The following BPNT1 variants were observed in gnomAD, a reference collection of about 807,000 sequenced individuals.
The protein encoded by BPNT1 is 3'(2'),5'-bisphosphate nucleotidase 1.
A neutral mutation model predicts 36.9 loss-of-function variants in BPNT1; 28 were observed. That is an observed-to-expected ratio of 0.76 (90% CI 0.56 to 1.04). BPNT1 has a LOEUF of 1.04. Among genes scored for constraint, BPNT1 ranks in the 50% least tolerant of loss-of-function variants. The pLI is 0.00. For missense variants in BPNT1, 313 were observed against 372.9 expected (o/e 0.84, Z 1.32); for synonymous variants, 119 against 130.9 (o/e 0.91, Z 0.62).
chr1:220,060,749 C>T (rs1049769840), intron 7 of BPNT1, among the ~76,000 whole-genome samples: 7 of 152,060 alleles, frequency 4.6e-5, no homozygotes, highest in Admixed American at 3.9e-4. Flanking sequence ...CTCAGGAAGT[C>T]CTGAGAACAT....
intron 6 of BPNT1, chr1:220,066,141 T>C (rs1353889293): frequency 1.4e-6 from 2 of 1,470,866 alleles, no homozygotes; most frequent in Non-Finnish European, 1.8e-6. Context: ...ATACAATTTT[T>C]CTAATCTCAG....
intron 2 of BPNT1, among the ~76,000 whole-genome samples, chr1:220,077,274 G>A (rs905131487): frequency 6.6e-6 from 1 of 151,986 alleles, no homozygotes; most frequent in African/African-American, 2.4e-5. Context: ...AATAGAAAAT[G>A]ACAGACTATA....
At chr1:220,066,667 TC>T (rs1394158845) in intron 6 of BPNT1, among the ~76,000 whole-genome samples, 2 of 152,178 alleles carry the variant, frequency 1.3e-5, no homozygotes, top group Admixed American at 1.3e-4. Context: ...ATTACACTAG[TC>T]CCTTGCTTCT....
intron 1 of BPNT1, among the ~76,000 whole-genome samples, chr1:220,088,161 G>A (rs1341644869): frequency 1.3e-5 from 2 of 151,346 alleles, no homozygotes; most frequent in African/African-American, 2.4e-5. Context: ...GTGAGCCACC[G>A]CGCCGGGCCA....
At chr1:220,064,871 G>C (rs944653195) in intron 6 of BPNT1, among the ~76,000 whole-genome samples, 2 of 152,020 alleles carry the variant, frequency 1.3e-5, no homozygotes, top group African/African-American at 4.8e-5. Context: ...GCAGTGGTGC[G>C]ATCTCGGCTC....
chr1:220,080,197 T>C (rs1664976176), intron 1 of BPNT1, among the ~76,000 whole-genome samples: 1 of 152,122 alleles, frequency 6.6e-6, no homozygotes, highest in Non-Finnish European at 1.5e-5. Context: ...GCTAAAAATA[T>C]GAGATGTAAG....
At chr1:220,083,793 TAAA>T (rs1240019494) in intron 1 of BPNT1, among the ~76,000 whole-genome samples, 1 of 152,182 alleles carries the variant, frequency 6.6e-6, no homozygotes, top group Non-Finnish European at 1.5e-5. Flanking sequence ...TGTGATCTGT[TAAA>T]ACTGAGTTTT....
intron 4 of BPNT1, among the ~76,000 whole-genome samples, chr1:220,071,236 A>G (rs1664036190): frequency 1.3e-5 from 2 of 152,092 alleles, no homozygotes. Flanking sequence ...TCCAATGAAT[A>G]TGCCTTAAAT....
At position 220,058,347 on chromosome 1, in the gene BPNT1, T is replaced by A. The variant is rs1312049274; in HGVS notation, c.*497A>T. ...AGACGTCAAAATTGGTCTGGTTGATTAATCAAGTTAAATTATTTAATTCTA... is the reference window on the plus strand; with the variant it reads ...AGACGTCAAAATTGGTCTGGTTGATAAATCAAGTTAAATTATTTAATTCTA... On this transcript the variant is annotated 3_prime_UTR_variant, in exon 9 of 9. Transcript: ENST00000322067. 1.1e-5 allele frequency: 11 copies of A among 984,662 alleles called. No homozygotes were observed. Among genetic ancestry groups the A allele is most frequent in the Non-Finnish European group, 1.3e-5 (11 of 828,200 alleles). 61.0% of individuals were successfully genotyped at this position (984,662 alleles called of 1,614,324 possible). A position where few individuals can be genotyped will look rare whatever the true frequency, so the allele number is the denominator to read the frequency against.
intron 7 of BPNT1, 90 bp from the exon 8 acceptor site, chr1:220,059,881 C>T (rs1208403232): frequency 1.1e-6 from 1 of 928,912 alleles, no homozygotes; most frequent in South Asian, 1.8e-5. Context: ...AGAAAAACTG[C>T]TTGTTTCTAT....
rs12726102 is a variant in BPNT1, at chr1:220,070,862, T to C, written c.334-1430A>G. Among the ~76,000 whole-genome samples, 664 of 150,414 alleles carry C rather than the reference T, an allele frequency of 4.4e-3. 1 individual carries two copies. Among genetic ancestry groups the C allele is most frequent in the Non-Finnish European group, 7.2e-3 (481 of 67,170 alleles). On this transcript the variant is annotated intron_variant, in intron 4 of 8. Transcript: ENST00000322067. ...CATAGATGTATAGGTTTCACGCTGG[T>C]CATGGTGGCTCACGCCTATAATCCC...
At chr1:220,072,495 TG>T (rs376865768) in intron 4 of BPNT1, among the ~76,000 whole-genome samples, 256 of 152,280 alleles carry the variant, frequency 1.7e-3, no homozygotes, top group African/African-American at 6.0e-3. Context: ...TTGTATTTTT[TG>T]TTGAGACAGA....
intron 7 of BPNT1, among the ~76,000 whole-genome samples, chr1:220,061,597 G>C (rs1029488198): frequency 1.3e-5 from 2 of 151,980 alleles, no homozygotes; most frequent in Non-Finnish European, 2.9e-5. Context: ...GTGATAGGCT[G>C]TGAGGAAGGA....
At chr1:220,072,630 A>G (rs1307763698) in intron 4 of BPNT1, among the ~76,000 whole-genome samples, 1 of 152,190 alleles carries the variant, frequency 6.6e-6, no homozygotes, top group African/African-American at 2.4e-5. Flanking sequence ...AGTATTTTAA[A>G]TAACGGTTTT....
chr1:220,080,125 G>A (rs1664968617), intron 1 of BPNT1, among the ~76,000 whole-genome samples: 1 of 152,212 alleles, frequency 6.6e-6, no homozygotes, highest in South Asian at 2.1e-4. Context: ...TGCTGAGCAT[G>A]TGAAAAAGTT....
rs1050273618 is a variant in BPNT1 at position 220,073,947 on chromosome 1, A to T, written c.225+20T>A. ...TTTGGTAAACAGAGATTTTAAAAAA[A>T]TGTCTCTGATGACGCTTACCTCTTC... On this transcript the variant is annotated intron_variant, in intron 3 of 8. Transcript: ENST00000322067. 1.2e-6 allele frequency: 2 copies of T among 1,603,406 alleles called. No individual in the cohort carries two copies.
In BPNT1 at chr1:220,080,464, G is replaced by C. The variant is rs550824168; in HGVS notation, c.-8-610C>G. ...CTGCACCAACCTAATATAAAGGAAA[G>C]AGGTTGAATTGACTCACAGTTCAGC... On this transcript the variant is annotated intron_variant, in intron 1 of 8. Transcript: ENST00000322067. Among the ~76,000 whole-genome samples, 22 of 152,302 alleles carry C rather than the reference G, an allele frequency of 1.4e-4. No individual in the cohort carries two copies. In the South Asian group the frequency reaches 2.9e-3, roughly 20 times the overall value.
At chr1:220,067,496 T>C in intron 5 of BPNT1, 103 bp from the exon 6 acceptor site, 1 of 662,320 alleles carries the variant, frequency 1.5e-6, no homozygotes, top group Non-Finnish European at 2.5e-6. Context: ...AGGTATGGAA[T>C]TTGCAATGAT....
Position 220,060,880 on chromosome 1 carries a change from T to TG in BPNT1, c.673-1090dup, listed in dbSNP as rs574497133. On this transcript the variant is annotated intron_variant, in intron 7 of 8. Coordinates refer to ENST00000322067, the MANE Select transcript of BPNT1 (RefSeq NM_006085.6). ...AGAAAGGTGGAACAACTCAAAGCGG[T>TG]GGGGGCGGGGAGGCTTCCAGGATAT... Among the ~76,000 whole-genome samples, 1,097 of 152,068 alleles carry TG rather than the reference T, an allele frequency of 7.2e-3. 6 individuals carry two copies. Among genetic ancestry groups the TG allele is most frequent in the Non-Finnish European group, 0.012 (794 of 67,990 alleles).
Sources: allele counts gnomAD v4.1 joint callset (sites outside exome capture counted in the v4.1 genomes callset), GRCh38; gene constraint gnomAD v4.1.1; transcripts MANE v1.5; gene names NCBI Gene and HGNC (gene_info 2026-07-23, HGNC 2026-07-21).